The following OLFML2B variants were observed in gnomAD, a reference collection of about 807,000 sequenced individuals.
The protein encoded by OLFML2B is olfactomedin-like protein 2B.
A neutral mutation model predicts 74.9 loss-of-function variants in OLFML2B; 57 were observed. The ratio of observed to expected loss-of-function variants is 0.76; its 90% CI spans 0.61 to 0.95. The LOEUF is 0.95. Ranked by LOEUF, OLFML2B falls within the 40% of genes least tolerant of loss-of-function variation. OLFML2B has a pLI of 0.00. For missense variants in OLFML2B, 986 were observed against 970.6 expected (o/e 1.02, Z -0.21); for synonymous variants, 388 against 405.8 (o/e 0.96, Z 0.53).
intron 6 of OLFML2B, among the ~76,000 whole-genome samples, chr1:161,995,586 T>C (rs763117782): frequency 4.6e-5 from 7 of 151,868 alleles, no homozygotes; most frequent in African/African-American, 9.7e-5. Flanking sequence ...GGGGAGGCAG[T>C]TGGGGAGAGG....
At chr1:162,015,341 C>T (rs1264394457) in intron 3 of OLFML2B, among the ~76,000 whole-genome samples, 1 of 152,178 alleles carries the variant, frequency 6.6e-6, no homozygotes, top group Non-Finnish European at 1.5e-5. Context: ...CTAGACAAGG[C>T]TGTAACAAGA....
intron 6 of OLFML2B, among the ~76,000 whole-genome samples, chr1:161,990,699 A>G (rs1046921559): frequency 6.6e-6 from 1 of 152,218 alleles, no homozygotes; most frequent in African/African-American, 2.4e-5. Flanking sequence ...AAATAAGACA[A>G]CAATGAAGTT....
intron 1 of OLFML2B, among the ~76,000 whole-genome samples, chr1:162,022,728 C>A (rs948352970): frequency 6.6e-6 from 1 of 152,110 alleles, no homozygotes; most frequent in African/African-American, 2.4e-5. Context: ...TGCATTCCCA[C>A]TCTCCCCTCC....
chr1:162,006,852 T>C (rs923509510), intron 3 of OLFML2B, among the ~76,000 whole-genome samples: 5 of 152,180 alleles, frequency 3.3e-5, no homozygotes, highest in Non-Finnish European at 5.9e-5. Context: ...TCGCATCCCA[T>C]ACATCTGAAC....
chr1:161,986,963 A>C (rs1290761358), intron 6 of OLFML2B, among the ~76,000 whole-genome samples: 5 of 152,220 alleles, frequency 3.3e-5, no homozygotes, highest in Admixed American at 3.3e-4. Flanking sequence ...GACTCTTGAA[A>C]GCCAGGACTC....
chr1:161,992,706 A>T (rs1411078651), intron 6 of OLFML2B, among the ~76,000 whole-genome samples: 4 of 152,200 alleles, frequency 2.6e-5, no homozygotes, highest in African/African-American at 4.8e-5. Context: ...AGGGAATGCC[A>T]GTTGGGGGAG....
chr1:162,001,668 C>T (rs1006371310), intron 4 of OLFML2B, among the ~76,000 whole-genome samples: 1 of 152,216 alleles, frequency 6.6e-6, no homozygotes, highest in Non-Finnish European at 1.5e-5. Context: ...TAAGTCTGTG[C>T]TTCTGCTGTA....
chr1:162,023,597 A>G lies in OLFML2B; in HGVS notation c.-167T>C, dbSNP rs1310516886. ...AGCGGGACGGGAGGGTGCGCCCCAG[A>G]GACTCTGGGCATCTCCTTCCCGACG... On this transcript the variant is annotated 5_prime_UTR_variant, in exon 1 of 8. Transcript: ENST00000294794. 1.8e-6 allele frequency: 1 copy of G among 555,100 alleles called. No individual in the cohort carries two copies. The highest frequency in any genetic ancestry group is 2.9e-6 in the Non-Finnish European group (1 of 346,490). 34.4% of individuals were successfully genotyped at this position (555,100 alleles called of 1,614,324 possible).
chr1:161,984,029 G>C lies in OLFML2B; in HGVS notation c.1899C>G (p.Tyr633Ter). Residue 633 changes from tyrosine (Y) to a stop codon, truncating the protein, a stop_gained, in exon 8 of 8, where the codon TAC (tyrosine) becomes TAG (stop). Transcript: ENST00000294794. LOFTEE classifies it high-confidence loss of function. ...AVDENGLWLIYPALDDEGFSQ... is the reference protein window; with the variant it reads ...AVDENGLWLI ...TGAAGCCCTCATCGTCCAGGGCCGG[G>C]TAGATGAGCCATAGGCCATTCTCGT... is the stretch of plus-strand genomic sequence containing the variant. The C allele has an allele frequency of 1.2e-6, 2 of 1,614,206 alleles. No homozygotes were observed. The highest frequency in any genetic ancestry group is 1.7e-6 in the Non-Finnish European group (2 of 1,180,044).
At chr1:161,985,784 T>C (rs1442462655) in intron 6 of OLFML2B, among the ~76,000 whole-genome samples, 2 of 152,144 alleles carry the variant, frequency 1.3e-5, no homozygotes, top group African/African-American at 4.8e-5. Context: ...AGATACCAAG[T>C]TCTTGAATAA....
chr1:162,012,407 C>T lies in OLFML2B; in HGVS notation c.546+4993G>A, dbSNP rs181610523. ...GCCTTTCAGTCCAGAAACACAAAAG[C>T]CACCAAAGCTTTAGGTGTGGGGGAG... On this transcript the variant is annotated intron_variant, in intron 3 of 7. Transcript: ENST00000294794. Among the ~76,000 whole-genome samples the T allele has an allele frequency of 1.7e-3, 259 of 152,332 alleles. 1 individual carries two copies. The highest frequency in any genetic ancestry group is 3.1e-3 in the Non-Finnish European group (211 of 68,038).
chr1:161,983,479 C>A lies in OLFML2B; in HGVS notation c.*196G>T. ...AAATATAAACTGGGGAGGATGAGAC[C>A]AGCACATACACGTATGGATTGATCT... On this transcript the variant is annotated 3_prime_UTR_variant, in exon 8 of 8. Coordinates refer to ENST00000294794, the MANE Select transcript of OLFML2B (RefSeq NM_015441.3). 1.9e-6 allele frequency: 1 copy of A among 537,600 alleles called. No individual in the cohort carries two copies. 33.3% of individuals were successfully genotyped at this position (537,600 alleles called of 1,614,324 possible).
chr1:162,009,114 G>A (rs1251684317), intron 3 of OLFML2B, among the ~76,000 whole-genome samples: 1 of 152,190 alleles, frequency 6.6e-6, no homozygotes, highest in Admixed American at 6.5e-5. Context: ...CCCTGGTGAA[G>A]GGCACCCTCC....
At chr1:162,022,503 C>T (rs1214525578) in intron 1 of OLFML2B, among the ~76,000 whole-genome samples, 1 of 152,112 alleles carries the variant, frequency 6.6e-6, no homozygotes, top group African/African-American at 2.4e-5. Context: ...CCCGCCTCGG[C>T]CTCCCAAAGT....
At chr1:162,017,591 G>A (rs1570957906) in intron 2 of OLFML2B, 84 bp from the exon 3 acceptor site, 1 of 964,506 alleles carries the variant, frequency 1.0e-6, no homozygotes. Flanking sequence ...CATACTGGGG[G>A]CTCGACAGGA....
Position 162,023,357 on chromosome 1 carries a change from AG to A in OLFML2B, c.73del (p.Leu25SerfsTer57). The A allele has an allele frequency of 6.2e-7, 1 of 1,607,320 alleles. No individual in the cohort carries two copies. Among genetic ancestry groups the A allele is most frequent in the Non-Finnish European group, 8.5e-7 (1 of 1,175,896 alleles). ...ATCTGGGGGCTCGCTTGTCCCTGTG[AG>A]GACAATGCTGGACACCCAGGCCGGA... ...VVPAWVSSIV[L>X]TGTSEPPDAQ... On this transcript the variant is annotated frameshift_variant, in exon 1 of 8. Coordinates refer to ENST00000294794, the MANE Select transcript of OLFML2B (RefSeq NM_015441.3). LOFTEE classifies it high-confidence loss of function.
chr1:162,008,413 C>A (rs1457014142), intron 3 of OLFML2B, among the ~76,000 whole-genome samples: 1 of 152,156 alleles, frequency 6.6e-6, no homozygotes, highest in East Asian at 1.9e-4. Context: ...CAGAGTGGAA[C>A]CAGCACCCAG....
intron 6 of OLFML2B, among the ~76,000 whole-genome samples, chr1:161,989,858 A>T (rs1689687699): frequency 6.6e-6 from 1 of 152,218 alleles, no homozygotes. Context: ...AAGTGAGCAC[A>T]AGGTAGGTGT....
In OLFML2B at chr1:162,000,200, G is replaced by A. The variant is rs141480556; in HGVS notation, c.862C>T (p.Arg288Trp). 1.7e-5 allele frequency: 28 copies of A among 1,613,648 alleles called. No homozygotes were observed. Among genetic ancestry groups the A allele is most frequent in the African/African-American group, 5.3e-5 (4 of 74,906 alleles). Residue 288 changes from arginine to tryptophan, a missense_variant, in exon 5 of 8, where the codon CGG becomes TGG. Coordinates refer to ENST00000294794, the MANE Select transcript of OLFML2B (RefSeq NM_015441.3). Reference protein sequence around the residue: ...PLQRQVHLRGRPASQPTVIRG... With the variant: ...PLQRQVHLRGWPASQPTVIRG... The stretch of plus-strand genomic sequence containing the variant: ...ATGACAGTGGGCTGGGAGGCCGGCC[G>A]GCCTCTCAGGTGGACCTGCCTCTGC...
Sources: allele counts gnomAD v4.1 joint callset (sites outside exome capture counted in the v4.1 genomes callset), GRCh38; gene constraint gnomAD v4.1.1; transcripts MANE v1.5; gene names NCBI Gene and HGNC (gene_info 2026-07-23, HGNC 2026-07-21).